Variants in CNTN5 observed in about 807,000 individuals in gnomAD.
CNTN5 encodes the protein contactin 5, also known as contactin-5.
CNTN5 carries 77 observed loss-of-function variants against 129.1 expected under a neutral mutation model. The ratio of observed to expected loss-of-function variants is 0.60; its 90% CI spans 0.50 to 0.72. CNTN5 has a LOEUF of 0.72. Ranked by LOEUF, CNTN5 falls within the 30% of genes least tolerant of loss-of-function variation. The pLI, the probability that CNTN5 is intolerant of heterozygous loss-of-function variation, is 0.00. For synonymous variants in CNTN5, 509 were observed against 465.6 expected (o/e 1.09, Z -1.20); for missense variants, 1,478 against 1,328.8 (o/e 1.11, Z -1.75).
intron 3 of CNTN5, among the ~76,000 whole-genome samples, chr11:99,794,180 CTT>C (rs34449350): frequency 0.049 from 6,883 of 141,608 alleles, 210 homozygotes; most frequent in Non-Finnish European, 0.069. Context: ...CCTTCTTTGT[CTT>C]TTTTTTTTTT....
At chr11:99,727,711 G>A (rs1333405543) in intron 3 of CNTN5, among the ~76,000 whole-genome samples, 2 of 152,230 alleles carry the variant, frequency 1.3e-5, no homozygotes, top group South Asian at 4.1e-4. Flanking sequence ...CACTGATATT[G>A]ACTGAAAATA....
intron 2 of CNTN5, among the ~76,000 whole-genome samples, chr11:99,533,813 A>G (rs1427670887): frequency 6.6e-6 from 1 of 152,194 alleles, no homozygotes; most frequent in Non-Finnish European, 1.5e-5. Context: ...ATTAGCTTTT[A>G]GCGAACTGGA....
At chr11:100,005,104 A>G (rs1828239344) in intron 9 of CNTN5, among the ~76,000 whole-genome samples, 1 of 152,314 alleles carries the variant, frequency 6.6e-6, no homozygotes, top group East Asian at 1.9e-4. Flanking sequence ...TCATTACTGT[A>G]TTCTTCATTT....
intron 13 of CNTN5, among the ~76,000 whole-genome samples, chr11:100,109,586 C>T (rs1032469484): frequency 2.0e-5 from 3 of 151,976 alleles, no homozygotes; most frequent in African/African-American, 7.3e-5. Context: ...CTCAATAATT[C>T]TTTGTTAATG....
At chr11:99,557,543 A>C (rs1048483244) in intron 3 of CNTN5, among the ~76,000 whole-genome samples, 4 of 151,586 alleles carry the variant, frequency 2.6e-5, no homozygotes, top group African/African-American at 9.7e-5. Context: ...AGAAAAAAGG[A>C]CTGATAGAAG....
chr11:100,204,100 G>GTTTT (rs924904137), intron 15 of CNTN5, among the ~76,000 whole-genome samples: 1 of 149,892 alleles, frequency 6.7e-6, no homozygotes, highest in Non-Finnish European at 1.5e-5. Flanking sequence ...CATTTGCTCA[G>GTTTT]TTTTTTTTCC....
intron 1 of CNTN5, among the ~76,000 whole-genome samples, chr11:99,225,267 T>C (rs1484303739): frequency 6.6e-6 from 1 of 151,896 alleles, no homozygotes; most frequent in Non-Finnish European, 1.5e-5. Flanking sequence ...CGTGTGACAA[T>C]GTGAAGCCTA....
intron 3 of CNTN5, among the ~76,000 whole-genome samples, chr11:99,686,026 C>A (rs1434571623): frequency 6.6e-6 from 1 of 151,918 alleles, no homozygotes; most frequent in Non-Finnish European, 1.5e-5. Flanking sequence ...TTTGAAAGAA[C>A]AAAAAGAATT....
chr11:99,630,522 G>A (rs1047148392), intron 3 of CNTN5, among the ~76,000 whole-genome samples: 1 of 151,176 alleles, frequency 6.6e-6, no homozygotes, highest in Non-Finnish European at 1.5e-5. Context: ...CAACTATCAT[G>A]CCTCACCCCC....
intron 10 of CNTN5, among the ~76,000 whole-genome samples, chr11:100,067,110 G>A (rs911747487): frequency 2.0e-5 from 3 of 151,990 alleles, no homozygotes; most frequent in East Asian, 1.9e-4. Context: ...ATCTGTTGTA[G>A]AAGTCAAGCT....
At chr11:100,308,788 T>G (rs1396367169) in intron 21 of CNTN5, 1 of 998,010 alleles carries the variant, frequency 1.0e-6, no homozygotes, top group East Asian at 1.0e-4. Flanking sequence ...TTTTTGTGTC[T>G]TCCTTTCTAA....
chr11:99,841,023 C>G (rs76683690), intron 4 of CNTN5, among the ~76,000 whole-genome samples: 1 of 152,054 alleles, frequency 6.6e-6, no homozygotes, highest in East Asian at 1.9e-4. Flanking sequence ...CTTTTCCCCC[C>G]CTTAACATGA....
chr11:99,810,688 G>C (rs547281646), intron 3 of CNTN5, among the ~76,000 whole-genome samples: 1 of 152,122 alleles, frequency 6.6e-6, no homozygotes, highest in African/African-American at 2.4e-5. Context: ...TGGCTTTGCT[G>C]AGGTGTTTCA....
intron 7 of CNTN5, among the ~76,000 whole-genome samples, chr11:99,926,593 T>A: frequency 6.6e-6 from 1 of 152,102 alleles, no homozygotes; most frequent in African/African-American, 2.4e-5. Context: ...TGGACAAGAC[T>A]TTTTTGGCAT....
At chr11:99,716,114 G>A (rs1955209612) in intron 3 of CNTN5, among the ~76,000 whole-genome samples, 1 of 151,920 alleles carries the variant, frequency 6.6e-6, no homozygotes, top group African/African-American at 2.4e-5. Context: ...ATAGTCTATT[G>A]TAATCACTAA....
At chr11:99,345,708 C>A (rs777269800) in intron 2 of CNTN5, among the ~76,000 whole-genome samples, 1 of 152,116 alleles carries the variant, frequency 6.6e-6, no homozygotes, top group Non-Finnish European at 1.5e-5. Context: ...GACTTTCAGT[C>A]TTAGTTCTAT....
At chr11:99,124,683 T>C (rs1375537264) in intron 1 of CNTN5, among the ~76,000 whole-genome samples, 1 of 151,908 alleles carries the variant, frequency 6.6e-6, no homozygotes, top group Non-Finnish European at 1.5e-5. Context: ...TAGGAGTTTG[T>C]TAATTGAAAA....
chr11:100,090,085 A>T (rs1944699126), intron 13 of CNTN5, among the ~76,000 whole-genome samples: 1 of 152,156 alleles, frequency 6.6e-6, no homozygotes, highest in Admixed American at 6.6e-5. Flanking sequence ...CCACAAAAAC[A>T]GAATTAAAAA....
At chr11:100,105,435 A>G (rs554631195) in intron 13 of CNTN5, among the ~76,000 whole-genome samples, 31 of 152,316 alleles carry the variant, frequency 2.0e-4, no homozygotes, top group African/African-American at 7.5e-4. Flanking sequence ...ATGCCTTTGC[A>G]TGGCTGTCTT....
Sources: gnomAD v4.1 joint callset for allele counts (sites outside exome capture counted in the v4.1 genomes callset) on GRCh38, gnomAD v4.1.1 for gene constraint, MANE v1.5 for transcripts, NCBI Gene and HGNC (gene_info 2026-07-23, HGNC 2026-07-21) for gene names.